Variants in USP14 observed in about 807,000 individuals in gnomAD.
USP14 encodes ubiquitin carboxyl-terminal hydrolase 14.
Under a neutral mutation model 76.5 loss-of-function variants are expected in USP14, and 38 were observed. The ratio of observed to expected loss-of-function variants is 0.50; its 90% confidence interval spans 0.38 to 0.65. The LOEUF is 0.65. USP14 is among the 30% of genes least tolerant of loss of function. USP14 has a pLI of 0.00. For synonymous variants in USP14, 192 were observed against 191.7 expected, an observed-to-expected ratio of 1.00 and a Z score of -0.01; for missense variants, 467 against 586.5, an observed-to-expected ratio of 0.80 and a Z score of 2.10.
intron 3 of USP14, among the ~76,000 whole-genome samples, chr18:173,858 A>G (rs947774886): frequency 1.3e-5 from 2 of 152,224 alleles, no homozygotes; most frequent in Non-Finnish European, 2.9e-5. Context: ...CCTTTGTTGA[A>G]AATCAGTTGA....
chr18:188,104 CTG>C (rs1215346794), intron 5 of USP14, among the ~76,000 whole-genome samples: 3 of 151,952 alleles, frequency 2.0e-5, no homozygotes, highest in African/African-American at 7.2e-5. Context: ...TTTAATAGGA[CTG>C]TTGTATTTTA....
At position 173,138 on chromosome 18, in the gene USP14, T is replaced by G. The variant is rs111728247; in HGVS notation, c.196-5795T>G. ...TTTTTTTTTTCTTTGAGACGGAGTC[T>G]CACCCTGTTGCCCAGGCTGGAGTGC... is the stretch of plus-strand genomic sequence containing the variant. On this transcript the variant is annotated intron_variant, in intron 3 of 15. Coordinates refer to ENST00000261601, the MANE Select transcript of USP14 (RefSeq NM_005151.4). Among the ~76,000 whole-genome samples, 713 of 151,038 alleles carry G rather than the reference T, an allele frequency of 4.7e-3. 2 individuals carry two copies. The highest frequency in any genetic ancestry group is 0.017 in the African/African-American group (682 of 41,178).
At chr18:166,848 T>C in intron 3 of USP14, 29 bp downstream of exon 3, 1 of 1,598,178 alleles carries the variant, frequency 6.3e-7, no homozygotes, top group Non-Finnish European at 8.6e-7. Flanking sequence ...ACGTTTATTA[T>C]AATGCAGTAA....
chr18:185,327 T>A (rs1909898919), intron 5 of USP14, among the ~76,000 whole-genome samples: 1 of 151,906 alleles, frequency 6.6e-6, no homozygotes, highest in African/African-American at 2.4e-5. Context: ...CCTGACTAAT[T>A]TTTGTATTTT....
At chr18:202,495 G>C (rs986774226) in intron 10 of USP14, among the ~76,000 whole-genome samples, 1 of 152,132 alleles carries the variant, frequency 6.6e-6, no homozygotes, top group African/African-American at 2.4e-5. Context: ...GTAAAGAACA[G>C]GAGTTTCTTG....
Position 167,515 on chromosome 18 carries a change from G to GT in USP14, c.195+706dup, listed in dbSNP as rs551885325. ...TAAACATAGAGGTTTTGCATGAGTGGTTTTTTTTTTGAGACAGGGTCTCAC... is the reference window on the plus strand; with the variant it reads ...TAAACATAGAGGTTTTGCATGAGTGGTTTTTTTTTTTGAGACAGGGTCTCAC... On this transcript the variant is annotated intron_variant, in intron 3 of 15. Coordinates refer to ENST00000261601, the MANE Select transcript of USP14 (RefSeq NM_005151.4). Among the ~76,000 whole-genome samples, 253 of 148,428 alleles carry GT rather than the reference G, an allele frequency of 1.7e-3. 4 individuals carry two copies. In the South Asian group the frequency reaches 0.041, roughly 24 times the overall value.
At chr18:200,378 T>C (rs1194570933) in intron 10 of USP14, among the ~76,000 whole-genome samples, 1 of 152,186 alleles carries the variant, frequency 6.6e-6, no homozygotes, top group Non-Finnish European at 1.5e-5. Flanking sequence ...TGAATGAGGG[T>C]ATGTTAGTAA....
At position 212,513 on chromosome 18, in the gene USP14, A is replaced by G. The variant is rs1160334472; in HGVS notation, c.*1229A>G. The G allele has an allele frequency of 6.6e-6, 1 of 152,416 alleles. No homozygotes were observed. The highest frequency in any genetic ancestry group is 1.5e-5 in the Non-Finnish European group (1 of 68,268). The allele number at this position is 152,416 out of a possible 1,614,324, so 9.4% of individuals were successfully genotyped here. A position where few individuals can be genotyped will look rare whatever the true frequency, so the allele number is the denominator to read the frequency against. On this transcript the variant is annotated 3_prime_UTR_variant, in exon 16 of 16. Coordinates refer to ENST00000261601, the MANE Select transcript of USP14 (RefSeq NM_005151.4). ...CAGCTACTTGGGAGGCTGAGGTGGG[A>G]GAATTGCTTGAACCTGGAAGGCAGA... is the stretch of plus-strand genomic sequence containing the variant.
At chr18:166,695 C>T in intron 2 of USP14, 92 bp from the exon 3 acceptor site, 7 of 1,386,802 alleles carry the variant, frequency 5.0e-6, no homozygotes, top group Non-Finnish European at 5.9e-6. Flanking sequence ...AAATTTTATT[C>T]TGTTTTGAAG....
chr18:183,670 A>G (rs560263424), intron 5 of USP14, among the ~76,000 whole-genome samples: 1 of 150,008 alleles, frequency 6.7e-6, no homozygotes, highest in African/African-American at 2.4e-5. Context: ...GTTCTTTTTT[A>G]TAACTCCTTA....
chr18:180,400 G>T, intron 5 of USP14, 61 bp downstream of exon 5: 2 of 1,042,808 alleles, frequency 1.9e-6, no homozygotes, highest in Non-Finnish European at 1.4e-6. Flanking sequence ...GTATTGTTTT[G>T]TTTTGCTTTC....
intron 6 of USP14, among the ~76,000 whole-genome samples, chr18:196,155 T>TA (rs1395645842): frequency 1.3e-5 from 2 of 151,778 alleles, no homozygotes; most frequent in Non-Finnish European, 2.9e-5. Flanking sequence ...ACCCTGTCTC[T>TA]ACTAAAAAAA....
At chr18:172,772 A>G (rs1909501320) in intron 3 of USP14, among the ~76,000 whole-genome samples, 1 of 152,174 alleles carries the variant, frequency 6.6e-6, no homozygotes, top group South Asian at 2.1e-4. Flanking sequence ...CTTTTTAGAC[A>G]TAATGCTGTT....
intron 13 of USP14, among the ~76,000 whole-genome samples, chr18:208,747 C>T (rs1411167532): frequency 1.3e-5 from 2 of 151,940 alleles, no homozygotes; most frequent in African/African-American, 2.4e-5. Context: ...AATTCTATTA[C>T]ATTTATTTAT....
chr18:166,922 A>C, intron 3 of USP14, 103 bp downstream of exon 3: 1 of 992,156 alleles, frequency 1.0e-6, no homozygotes, highest in Non-Finnish European at 1.5e-6. Context: ...CAGTTGTTCC[A>C]GCACTATCTG....
At chr18:201,771 G>A (rs1157092697) in intron 10 of USP14, among the ~76,000 whole-genome samples, 4 of 152,150 alleles carry the variant, frequency 2.6e-5, no homozygotes, top group African/African-American at 4.8e-5. Flanking sequence ...TAGGAAAACC[G>A]AACATACCCA....
rs535056743 is a variant in USP14, at chr18:193,062, C to A, written c.463+162C>A. Among the ~76,000 whole-genome samples, 17 of 152,246 alleles carry A rather than the reference C, an allele frequency of 1.1e-4. No individual in the cohort carries two copies. The South Asian group carries it at 3.5e-3, about 32-fold the overall frequency. On this transcript the variant is annotated intron_variant, in intron 6 of 15. Coordinates refer to ENST00000261601, the MANE Select transcript of USP14 (RefSeq NM_005151.4). ...AACAACTTGGTACTTATTTTATCGT[C>A]CAGATTATAAATCAATGATGTCTGT...
At chr18:163,076 T>C in intron 1 of USP14, 1 of 346,496 alleles carries the variant, frequency 2.9e-6, no homozygotes. Flanking sequence ...ACGCCCAGCC[T>C]GCTGAAGTCT....
chr18:200,522 T>C (rs1180347233), intron 10 of USP14, among the ~76,000 whole-genome samples: 4 of 152,196 alleles, frequency 2.6e-5, no homozygotes, highest in Non-Finnish European at 5.9e-5. Flanking sequence ...AACTAGAACT[T>C]GCTTCTTTCA....
Sources: gnomAD v4.1 joint callset for allele counts (sites outside exome capture counted in the v4.1 genomes callset) on GRCh38, gnomAD v4.1.1 for gene constraint, MANE v1.5 for transcripts, NCBI Gene and HGNC (gene_info 2026-07-23, HGNC 2026-07-21) for gene names.